The following PCDHGA2 variants were observed in gnomAD, a reference collection of about 807,000 sequenced individuals.
PCDHGA2 encodes the protein protocadherin gamma-A2.
PCDHGA2 carries 40 observed loss-of-function variants against 59.2 expected under a neutral mutation model. The ratio of observed to expected loss-of-function variants is 0.68; its 90% CI spans 0.52 to 0.88. PCDHGA2 has a LOEUF of 0.88. Among genes scored for constraint, PCDHGA2 ranks in the 40% least tolerant of loss-of-function variants. The pLI is 0.00. For synonymous variants in PCDHGA2, 560 were observed against 526.0 expected (o/e 1.06, Z -0.89); for missense variants, 1,226 against 1,204.0 (o/e 1.02, Z -0.27).
Position 141,491,589 on chromosome 5 carries a change from C to T in PCDHGA2, c.2425-3218C>T. 6.2e-7 allele frequency: 1 copy of T among 1,613,926 alleles called. No homozygotes were observed. The highest frequency in any genetic ancestry group is 8.5e-7 in the Non-Finnish European group (1 of 1,180,024). ...GGACGTGCTTTTCACCGGCCTCGGA[C>T]GGCAGTGACTTCACTTTTCTAAGAC... On this transcript the variant is annotated intron_variant, in intron 1 of 3. Transcript: ENST00000394576. This position sits in a 1 kb window ranked among gnomAD's most constrained non-coding sequence, Gnocchi z 6.9.
Position 141,432,014 on chromosome 5 carries a change from AACATC to A in PCDHGA2, c.2425-62789_2425-62785del. ...GGATAGGGAACAGGTTCCTAGCTAC[AACATC>A]ACAGTGACCGCCACTGACCGGGGAA... On this transcript the variant is annotated intron_variant, in intron 1 of 3. Transcript: ENST00000394576. This position sits in a 1 kb window ranked among gnomAD's most constrained non-coding sequence, Gnocchi z 6.0. 6.2e-7 allele frequency: 1 copy of A among 1,614,078 alleles called. No individual in the cohort carries two copies. The highest frequency in any genetic ancestry group is 8.5e-7 in the Non-Finnish European group (1 of 1,180,036).
Position 141,366,617 on chromosome 5 carries a change from T to G in PCDHGA2, c.2424+25222T>G, listed in dbSNP as rs768444252. 5.0e-6 allele frequency: 8 copies of G among 1,614,120 alleles called. No individual in the cohort carries two copies. The African/African-American group carries it at 1.1e-4, about 22-fold the overall frequency. On this transcript the variant is annotated intron_variant, in intron 1 of 3. Transcript: ENST00000394576. ...CCACGAGGTCTCCCTCACCGCGGAC[T>G]CGAGGAAGAGTCACCTGATCTTTCC...
chr5:141,415,755 T>C (rs753465209), intron 1 of PCDHGA2: 19 of 1,387,632 alleles, frequency 1.4e-5, no homozygotes, highest in Middle Eastern at 2.6e-4. Flanking sequence ...TTTTTTTTTT[T>C]TTTTTTTTTT....
rs774366625 is a variant in PCDHGA2, at chr5:141,384,613, T to A, written c.2424+43218T>A. On this transcript the variant is annotated intron_variant, in intron 1 of 3. Coordinates refer to ENST00000394576, the MANE Select transcript of PCDHGA2 (RefSeq NM_018915.4). ...GTACCCGGCCCTCCCCACAGATGGTTCTACTGGCATGGAGCTGGCACCCCG... is the reference window on the plus strand; with the variant it reads ...GTACCCGGCCCTCCCCACAGATGGTACTACTGGCATGGAGCTGGCACCCCG... The A allele has an allele frequency of 9.9e-6, 16 of 1,614,202 alleles. No homozygotes were observed. The Admixed American group carries it at 2.7e-4, about 27-fold the overall frequency.
At chr5:141,504,340 G>C (rs1240423982) in intron 2 of PCDHGA2, among the ~76,000 whole-genome samples, 1 of 152,062 alleles carries the variant, frequency 6.6e-6, no homozygotes, top group Non-Finnish European at 1.5e-5. Flanking sequence ...CAAGTGCTAG[G>C]CTTTGTGCTA....
chr5:141,431,049 T>C lies in PCDHGA2; in HGVS notation c.2425-63758T>C, dbSNP rs1226000576. On this transcript the variant is annotated intron_variant, in intron 1 of 3. Coordinates refer to ENST00000394576, the MANE Select transcript of PCDHGA2 (RefSeq NM_018915.4). The surrounding 1 kb of genome is among the most constrained non-coding windows in gnomAD (Gnocchi z 4.8). Reference sequence around the variant, plus strand: ...AGGATAGACCGGGAGGAGCTCTGTATGGGGGCCATCAAGTGTCAATTAAAT... The same window carrying C: ...AGGATAGACCGGGAGGAGCTCTGTACGGGGGCCATCAAGTGTCAATTAAAT... The C allele has an allele frequency of 6.2e-7, 1 of 1,614,162 alleles. No homozygotes were observed. Among genetic ancestry groups the C allele is most frequent in the Non-Finnish European group, 8.5e-7 (1 of 1,180,014 alleles).
intron 1 of PCDHGA2, chr5:141,394,735 G>C: frequency 6.2e-7 from 1 of 1,613,450 alleles, no homozygotes; most frequent in Non-Finnish European, 8.5e-7. Context: ...CTCAAGCAGA[G>C]CCTCGTGGTG....
intron 1 of PCDHGA2, chr5:141,385,514 G>T: frequency 7.3e-7 from 1 of 1,363,606 alleles, no homozygotes; most frequent in Non-Finnish European, 9.5e-7. Context: ...TTTAGTGAAA[G>T]CCTATGGACA....
At chr5:141,395,078 G>C in intron 1 of PCDHGA2, 1 of 1,614,126 alleles carries the variant, frequency 6.2e-7, no homozygotes, top group Non-Finnish European at 8.5e-7. Flanking sequence ...CCTATTCCCA[G>C]GAAGTCTCCC....
intron 1 of PCDHGA2, chr5:141,394,163 T>C (rs1207627975): frequency 3.7e-6 from 6 of 1,613,782 alleles, no homozygotes; most frequent in Non-Finnish European, 5.1e-6. Flanking sequence ...ACAACCCTCC[T>C]ACTTTCCCTC....
rs765756193 is a variant in PCDHGA2, at chr5:141,511,105, C to T, written c.2731C>T (p.Arg911Trp). The T allele has an allele frequency of 2.8e-5, 46 of 1,614,196 alleles. No individual in the cohort carries two copies. In the East Asian group the frequency reaches 3.1e-4, roughly 11 times the overall value. Residue 911 changes from arginine to tryptophan, a missense_variant, in exon 4 of 4, where the codon CGG becomes TGG. Transcript: ENST00000394576. ...CACACTGACCAACGCAGCTGGCAAG[C>T]GGGATGGCAAGGCCCCAGCAGGTGG... ...NATLTNAAGK[R>W]DGKAPAGGNG...
intron 1 of PCDHGA2, chr5:141,420,199 C>G (rs764130526): frequency 6.2e-7 from 1 of 1,613,362 alleles, no homozygotes; most frequent in Non-Finnish European, 8.5e-7. Flanking sequence ...CACAAGATAA[C>G]CTCAACAAAG....
chr5:141,394,077 G>T (rs2092915591), intron 1 of PCDHGA2: 2 of 1,613,828 alleles, frequency 1.2e-6, no homozygotes, highest in Non-Finnish European at 1.7e-6. Context: ...CAATATCACA[G>T]TGATGGCCTC....
At chr5:141,467,064 T>C (rs1289790911) in intron 1 of PCDHGA2, among the ~76,000 whole-genome samples, 2 of 151,724 alleles carry the variant, frequency 1.3e-5, no homozygotes, top group Middle Eastern at 3.2e-3. Context: ...TCTTTTTTTT[T>C]TTTTTTTAGA....
At chr5:141,419,962 G>A in intron 1 of PCDHGA2, 1 of 1,614,092 alleles carries the variant, frequency 6.2e-7, no homozygotes, top group African/African-American at 1.3e-5. Context: ...TGATTTCTGT[G>A]CTCTTTCTCC....
At position 141,487,444 on chromosome 5, in the gene PCDHGA2, T is replaced by G; in HGVS notation, c.2425-7363T>G. 1 of 1,614,194 alleles carries G rather than the reference T, an allele frequency of 6.2e-7. No individual in the cohort carries two copies. The highest frequency in any genetic ancestry group is 8.5e-7 in the Non-Finnish European group (1 of 1,180,040). ...TCCTCCGAATCCAGCTAGGGTCAGA[T>G]GACCCTATCAAGTTTGTTGATGTGG... On this transcript the variant is annotated intron_variant, in intron 1 of 3. Transcript: ENST00000394576. This position sits in a 1 kb window ranked among gnomAD's most constrained non-coding sequence, Gnocchi z 5.0.
At chr5:141,413,500 A>C (rs1422297029) in intron 1 of PCDHGA2, 2 of 1,614,034 alleles carry the variant, frequency 1.2e-6, no homozygotes, top group South Asian at 1.1e-5. Flanking sequence ...GTGCGTGGTG[A>C]GTTTTAATAT....
intron 1 of PCDHGA2, chr5:141,365,030 G>C (rs1227821908): frequency 1.9e-6 from 3 of 1,613,740 alleles, no homozygotes; most frequent in Non-Finnish European, 2.5e-6. Context: ...TACGGTCCTC[G>C]ACGCAAACGA....
At chr5:141,362,297 C>G in intron 1 of PCDHGA2, 1 of 1,614,082 alleles carries the variant, frequency 6.2e-7, no homozygotes, top group Non-Finnish European at 8.5e-7. Flanking sequence ...TCTTCCAGGT[C>G]AGATGCTTGG....
Sources: gnomAD v4.1 joint callset for allele counts (sites outside exome capture counted in the v4.1 genomes callset) on GRCh38, gnomAD v4.1.1 for gene constraint, Gnocchi (gnomAD v3.1) non-coding constraint, MANE v1.5 for transcripts, NCBI Gene and HGNC (gene_info 2026-07-23, HGNC 2026-07-21) for gene names.